The following LTBP1 variants were observed in gnomAD, a reference collection of about 807,000 sequenced individuals.
LTBP1 encodes latent transforming growth factor beta binding protein 1, also known as latent-transforming growth factor beta-binding protein 1.
Under a neutral mutation model 207.6 loss-of-function variants are expected in LTBP1, and 129 were observed. The observed-to-expected ratio is 0.62, with a 90% CI of 0.54 to 0.72. LTBP1 has a LOEUF of 0.72. Among genes scored for constraint, LTBP1 ranks in the 30% least tolerant of loss-of-function variants. The pLI, the probability that LTBP1 is intolerant of heterozygous loss-of-function variation, is 0.00. For synonymous variants in LTBP1, 963 were observed against 833.7 expected, an observed-to-expected ratio of 1.16 and a Z score of -2.67; for missense variants, 2,281 against 2,217.2, an observed-to-expected ratio of 1.03 and a Z score of -0.58.
chr2:33,203,130 G>A (rs140298690), intron 7 of LTBP1, among the ~76,000 whole-genome samples: 29 of 152,244 alleles, frequency 1.9e-4, no homozygotes, highest in Admixed American at 1.8e-3. Context: ...CCTTACCTGC[G>A]TCAACAGCTG....
chr2:33,222,083 A>G lies in LTBP1; in HGVS notation c.1808A>G (p.Tyr603Cys), dbSNP rs1159764470. The G allele has an allele frequency of 1.2e-6, 2 of 1,611,556 alleles. No individual in the cohort carries two copies. The highest frequency in any genetic ancestry group is 1.1e-5 in the South Asian group (1 of 91,032). ...KCQKCPKKPS[Y>C]HGYNQMMECL... ...CAAAGCATTTCTTCCCTTACAGCTT[A>G]TCATGGATACAACCAAATGATGGAA... The change falls in exon 9 of 34, where the codon TAT becomes TGT. Residue 603 changes from tyrosine (Y) to cysteine (C), a missense_variant. Tyr to Cys is a radical substitution (Grantham distance 194, BLOSUM62 -2). Coordinates refer to ENST00000404816, the MANE Select transcript of LTBP1 (RefSeq NM_206943.4).
chr2:33,278,109 G>A (rs967196686), intron 18 of LTBP1, among the ~76,000 whole-genome samples: 1 of 151,822 alleles, frequency 6.6e-6, no homozygotes, highest in African/African-American at 2.4e-5. Context: ...TGGGATTACA[G>A]GTGTGAGCTA....
chr2:32,988,440 G>A (rs544794805), intron 2 of LTBP1, among the ~76,000 whole-genome samples: 2 of 152,234 alleles, frequency 1.3e-5, no homozygotes, highest in African/African-American at 4.8e-5. Context: ...AAGAGCCATA[G>A]GAACCCTAGG....
intron 24 of LTBP1, among the ~76,000 whole-genome samples, chr2:33,323,624 G>A (rs948836123): frequency 8.2e-5 from 8 of 97,978 alleles, no homozygotes; most frequent in Admixed American, 3.4e-4. Flanking sequence ...GCAAGACTCC[G>A]TCTCAAAACA....
chr2:32,984,686 C>T (rs1251051780), intron 2 of LTBP1, among the ~76,000 whole-genome samples: 9 of 151,890 alleles, frequency 5.9e-5, no homozygotes, highest in East Asian at 3.9e-4. Context: ...CTTTGGAGGC[C>T]GAGGCGGATG....
At chr2:33,231,051 C>A (rs2091758347) in intron 9 of LTBP1, among the ~76,000 whole-genome samples, 1 of 152,150 alleles carries the variant, frequency 6.6e-6, no homozygotes, top group South Asian at 2.1e-4. Flanking sequence ...CGCTGGGGCA[C>A]TCCTAGCTAT....
chr2:33,025,465 G>A (rs574403742), intron 3 of LTBP1, among the ~76,000 whole-genome samples: 5 of 152,114 alleles, frequency 3.3e-5, no homozygotes, highest in South Asian at 2.1e-4. Context: ...ATGGAAGGAC[G>A]CCTCGTAGCT....
chr2:33,070,633 A>G (rs927537639), intron 3 of LTBP1, among the ~76,000 whole-genome samples: 1 of 152,252 alleles, frequency 6.6e-6, no homozygotes, highest in African/African-American at 2.4e-5. Flanking sequence ...CAAGAACTGG[A>G]ACCCCTATTC....
chr2:33,008,060 G>A (rs1029691714), intron 2 of LTBP1, among the ~76,000 whole-genome samples: 1 of 152,062 alleles, frequency 6.6e-6, no homozygotes, highest in African/African-American at 2.4e-5. Context: ...TTGAAACCAA[G>A]TTTCAGATGT....
chr2:33,310,968 G>A (rs1253355501), intron 23 of LTBP1, among the ~76,000 whole-genome samples: 1 of 151,838 alleles, frequency 6.6e-6, no homozygotes, highest in Non-Finnish European at 1.5e-5. Context: ...GTATCCCAAA[G>A]CATAAATAAA....
intron 19 of LTBP1, chr2:33,291,703 A>C (rs908336804): frequency 6.6e-6 from 1 of 152,236 alleles, no homozygotes; most frequent in African/African-American, 2.4e-5. Context: ...GGCTCTTCTC[A>C]GTATGTGCAG....
chr2:33,184,174 C>G (rs1011938502), intron 5 of LTBP1, among the ~76,000 whole-genome samples: 72 of 152,154 alleles, frequency 4.7e-4, no homozygotes, highest in African/African-American at 1.4e-3. Context: ...CCACTCTACT[C>G]TCTCTCCTTT....
At chr2:33,369,642 C>G (rs538654344) in intron 31 of LTBP1, among the ~76,000 whole-genome samples, 5 of 152,262 alleles carry the variant, frequency 3.3e-5, no homozygotes, top group Admixed American at 6.5e-5. Context: ...AGCGCAACCT[C>G]CACCTCCCAG....
At chr2:32,966,987 A>G (rs1447748744) in intron 2 of LTBP1, among the ~76,000 whole-genome samples, 1 of 152,014 alleles carries the variant, frequency 6.6e-6, no homozygotes, top group Non-Finnish European at 1.5e-5. Flanking sequence ...AATTGAACCC[A>G]TCCTGGCTTG....
At chr2:33,150,369 C>T (rs1286514697) in intron 5 of LTBP1, among the ~76,000 whole-genome samples, 2 of 152,128 alleles carry the variant, frequency 1.3e-5, no homozygotes, top group East Asian at 3.8e-4. Flanking sequence ...ATTTACATGA[C>T]TGATTTTTTC....
chr2:33,122,600 C>T lies in LTBP1; in HGVS notation c.1033+11849C>T, dbSNP rs550790099. On this transcript the variant is annotated intron_variant, in intron 4 of 33. Transcript: ENST00000404816. ...TAAGTTAGAATTGAACAGTAAGTAT[C>T]TGGAACAGACGTATAATACCAAAAA... Among the ~76,000 whole-genome samples the T allele has an allele frequency of 8.5e-5, 13 of 152,310 alleles. No individual in the cohort carries two copies. In the South Asian group the frequency reaches 2.1e-3, roughly 24 times the overall value.
intron 5 of LTBP1, among the ~76,000 whole-genome samples, chr2:33,171,523 A>G (rs2085451537): frequency 6.6e-6 from 1 of 151,412 alleles, no homozygotes; most frequent in African/African-American, 2.4e-5. Context: ...GACCAAATCT[A>G]CGTCTGATTG....
chr2:33,364,774 A>G (rs1182380499), intron 30 of LTBP1, among the ~76,000 whole-genome samples: 2 of 152,236 alleles, frequency 1.3e-5, no homozygotes, highest in African/African-American at 2.4e-5. Flanking sequence ...GTCCACTGAC[A>G]AACTCCTGTC....
intron 5 of LTBP1, among the ~76,000 whole-genome samples, chr2:33,183,403 C>G (rs1306850566): frequency 6.6e-6 from 1 of 152,204 alleles, no homozygotes; most frequent in Non-Finnish European, 1.5e-5. Context: ...AGGGACCAAT[C>G]ACCGACAGGC....
Sources: allele counts gnomAD v4.1 joint callset (sites outside exome capture counted in the v4.1 genomes callset), GRCh38; gene constraint gnomAD v4.1.1; transcripts MANE v1.5; gene names NCBI Gene and HGNC (gene_info 2026-07-23, HGNC 2026-07-21).